TYW1: variants seen among roughly 807,000 people sequenced by gnomAD.
TYW1 encodes S-adenosyl-L-methionine-dependent tRNA 4-demethylwyosine synthase TYW1.
Under a neutral mutation model 96.2 loss-of-function variants are expected in TYW1, and 46 were observed. That is an observed-to-expected ratio of 0.48 (90% confidence interval 0.38 to 0.61). TYW1 has a LOEUF of 0.61. Ranked by LOEUF, TYW1 falls within the 20% of genes least tolerant of loss-of-function variation. TYW1 has a pLI of 0.00. For synonymous variants in TYW1, 274 were observed against 323.0 expected, an observed-to-expected ratio of 0.85 and a Z score of 1.63; for missense variants, 684 against 909.6, an observed-to-expected ratio of 0.75 and a Z score of 3.19.
chr7:67,095,495 C>CA (rs535948335), intron 11 of TYW1, among the ~76,000 whole-genome samples: 70,989 of 142,392 alleles, frequency 0.5, 17,695 homozygotes, highest in African/African-American at 0.63. Context: ...ACTAAAAATA[C>CA]AAAAAAAAAA....
rs551135680 is a variant in TYW1 at position 67,017,752 on chromosome 7, A to G, written c.571-101A>G. On this transcript the variant is annotated intron_variant, in intron 5 of 15. Transcript: ENST00000359626. Reference sequence around the variant, plus strand: ...ATTTCCTCTTCCTTAGCGGCAGCCCATGACCAGGGGCCTCGGAAGGACTTT... The same window carrying G: ...ATTTCCTCTTCCTTAGCGGCAGCCCGTGACCAGGGGCCTCGGAAGGACTTT... The G allele has an allele frequency of 2.8e-4, 411 of 1,488,224 alleles. 10 individuals are homozygous for G. In the South Asian group the frequency reaches 5.1e-3, roughly 18 times the overall value. 92.2% of individuals were successfully genotyped at this position (1,488,224 alleles called of 1,614,324 possible). A position where few individuals can be genotyped will look rare whatever the true frequency, so the allele number is the denominator to read the frequency against.
At chr7:67,081,894 C>A (rs1418696270) in intron 10 of TYW1, among the ~76,000 whole-genome samples, 1 of 145,258 alleles carries the variant, frequency 6.9e-6, no homozygotes, top group East Asian at 2.0e-4. Context: ...TCTCCTTGAT[C>A]TAGTATGTTG....
chr7:67,113,014 T>C (rs939231099), intron 12 of TYW1, among the ~76,000 whole-genome samples: 1 of 152,204 alleles, frequency 6.6e-6, no homozygotes, highest in African/African-American at 2.4e-5. Flanking sequence ...TTGTGATTCC[T>C]TTATCCTGCT....
At chr7:67,064,078 C>T (rs1441746282) in intron 9 of TYW1, among the ~76,000 whole-genome samples, 1 of 152,128 alleles carries the variant, frequency 6.6e-6, no homozygotes, top group African/African-American at 2.4e-5. Context: ...AATAGACATA[C>T]CATGTTCATG....
intron 13 of TYW1, among the ~76,000 whole-genome samples, chr7:67,157,581 C>T (rs1032388907): frequency 1.4e-4 from 21 of 152,112 alleles, no homozygotes; most frequent in East Asian, 1.9e-4. Context: ...CCACCGTGCC[C>T]GGCCTATGAC....
chr7:67,114,888 A>G (rs774704862), intron 12 of TYW1, among the ~76,000 whole-genome samples: 7 of 151,992 alleles, frequency 4.6e-5, no homozygotes, highest in Non-Finnish European at 8.8e-5. Context: ...CCTCTTCTCC[A>G]TTCTTCCTCT....
At chr7:67,106,407 G>A (rs1003209716) in intron 12 of TYW1, among the ~76,000 whole-genome samples, 31 of 152,058 alleles carry the variant, frequency 2.0e-4, no homozygotes, top group African/African-American at 7.0e-4. Flanking sequence ...TTATTGCTGC[G>A]ATGGAAGACT....
chr7:67,022,524 T>C (rs760318757), intron 6 of TYW1, among the ~76,000 whole-genome samples: 4 of 152,216 alleles, frequency 2.6e-5, no homozygotes, highest in Admixed American at 6.5e-5. Context: ...CTTCTTGCAA[T>C]TCTAGGAAAA....
chr7:67,054,302 T>C (rs530463115), intron 8 of TYW1, among the ~76,000 whole-genome samples: 9 of 152,322 alleles, frequency 5.9e-5, no homozygotes, highest in Non-Finnish European at 1.3e-4. Flanking sequence ...AAATGCAAAA[T>C]TTATAGAAAC....
At chr7:67,019,504 G>A (rs1398828532) in intron 6 of TYW1, among the ~76,000 whole-genome samples, 3 of 149,542 alleles carry the variant, frequency 2.0e-5, no homozygotes, top group African/African-American at 4.9e-5. Flanking sequence ...AGACCGTTTT[G>A]TAAATTAGAG....
chr7:67,072,934 GTTTTTTTTTTTTTTTTTT>G (rs529812538), intron 10 of TYW1, among the ~76,000 whole-genome samples: 1 of 71,222 alleles, frequency 1.4e-5, no homozygotes, highest in Non-Finnish European at 2.5e-5. Flanking sequence ...TGCCTATCCA[GTTTTTTTTTTTTTTTTTT>G]TTTTTTTTTT....
rs1797442638 is a variant in TYW1 at position 67,112,271 on chromosome 7, G to C, written c.1563-5212G>C. On this transcript the variant is annotated intron_variant, in intron 12 of 15. Coordinates refer to ENST00000359626, the MANE Select transcript of TYW1 (RefSeq NM_018264.4). ...TTTATGGTATATCTCCAGCACCCTA[G>C]AGCCACACACATGTAATTAGTTCTA... 2.0e-5 allele frequency among the ~76,000 whole-genome samples: 3 copies of C among 151,992 alleles called. No individual in the cohort carries two copies. In the South Asian group the frequency reaches 6.2e-4, roughly 31 times the overall value.
At chr7:67,090,985 C>G (rs1584547625) in intron 11 of TYW1, among the ~76,000 whole-genome samples, 1 of 152,198 alleles carries the variant, frequency 6.6e-6, no homozygotes, top group South Asian at 2.1e-4. Context: ...ACTAGTTCAA[C>G]CATTGTGGAA....
chr7:67,061,593 C>A (rs1419512469), intron 9 of TYW1, among the ~76,000 whole-genome samples: 4 of 152,098 alleles, frequency 2.6e-5, no homozygotes, highest in Non-Finnish European at 4.4e-5. Context: ...ACTCTGGAAG[C>A]CAGGCATTCA....
intron 6 of TYW1, among the ~76,000 whole-genome samples, chr7:67,023,969 T>C (rs1403719101): frequency 1.3e-5 from 2 of 152,088 alleles, no homozygotes; most frequent in Non-Finnish European, 2.9e-5. Flanking sequence ...AATGAATGGG[T>C]ATATGAACAT....
intron 13 of TYW1, among the ~76,000 whole-genome samples, chr7:67,118,273 G>A (rs1160172345): frequency 6.6e-6 from 1 of 152,158 alleles, no homozygotes; most frequent in Admixed American, 6.5e-5. Context: ...GCTGCAGTGA[G>A]CCAAGATCAT....
At chr7:67,089,381 G>A in intron 11 of TYW1, 1 of 1,215,068 alleles carries the variant, frequency 8.2e-7, no homozygotes, top group Admixed American at 1.7e-5. Context: ...CCAGTGCAGG[G>A]CATCTGGTGG....
At chr7:67,039,593 G>A (rs1282198685) in intron 7 of TYW1, among the ~76,000 whole-genome samples, 1 of 152,020 alleles carries the variant, frequency 6.6e-6, no homozygotes, top group Non-Finnish European at 1.5e-5. Flanking sequence ...ACATAGAGTT[G>A]TTGTATATGA....
At chr7:67,062,340 C>T (rs1335818698) in intron 9 of TYW1, among the ~76,000 whole-genome samples, 1 of 151,508 alleles carries the variant, frequency 6.6e-6, no homozygotes. Context: ...ACCCGGGAGG[C>T]GGAGGTTGCA....
Sources: gnomAD v4.1 joint callset for allele counts (sites outside exome capture counted in the v4.1 genomes callset) on GRCh38, gnomAD v4.1.1 for gene constraint, MANE v1.5 for transcripts, NCBI Gene and HGNC (gene_info 2026-07-23, HGNC 2026-07-21) for gene names.